ZC3H12B: variants seen among roughly 807,000 people sequenced by gnomAD.
ZC3H12B encodes zinc finger CCCH-type containing 12B, also known as probable ribonuclease ZC3H12B.
A neutral mutation model predicts 43.9 loss-of-function variants in ZC3H12B; 7 were observed. The observed-to-expected ratio is 0.16, with a 90% CI of 0.09 to 0.30. ZC3H12B has a LOEUF of 0.30. ZC3H12B is among the 10% of genes least tolerant of loss of function. ZC3H12B has a pLI of 1.00. For synonymous variants in ZC3H12B, 222 were observed against 241.7 expected (o/e 0.92, Z 0.76); for missense variants, 475 against 670.2 (o/e 0.71, Z 3.22).
At chrX:65,266,126 GTGTT>G in the ZC3H12B span, among the ~76,000 whole-genome samples, 1 of 111,851 alleles carries the variant, frequency 8.9e-6, no homozygotes, top group Non-Finnish European at 1.9e-5. Flanking sequence ...ATTCTCTTGA[GTGTT>G]TGGTCAAATA....
chrX:65,447,428 A>G (rs1170122394), intron 3 of ZC3H12B, among the ~76,000 whole-genome samples: 1 of 111,840 alleles, frequency 8.9e-6, no homozygotes, highest in African/African-American at 3.2e-5. Context: ...GAACATCTAC[A>G]AAAATCAACT....
the ZC3H12B span, among the ~76,000 whole-genome samples, chrX:65,190,854 A>G: frequency 9.4e-6 from 1 of 105,991 alleles, no homozygotes; most frequent in Non-Finnish European, 1.9e-5. Flanking sequence ...GAGTGGTGAG[A>G]GAGGGCACCC....
the ZC3H12B span, among the ~76,000 whole-genome samples, chrX:65,239,539 C>T: frequency 9.0e-6 from 1 of 110,736 alleles, no homozygotes; most frequent in African/African-American, 3.3e-5. Context: ...TCCAGCTTGC[C>T]ATTCTATGTT....
chrX:65,428,947 T>C (rs2067116701), intron 3 of ZC3H12B, among the ~76,000 whole-genome samples: 1 of 112,643 alleles, frequency 8.9e-6, no homozygotes, highest in African/African-American at 3.2e-5. Context: ...TTTTTGTTAA[T>C]GCTGTTGTTG....
chrX:65,269,442 G>A, the ZC3H12B span, among the ~76,000 whole-genome samples: 68 of 109,631 alleles, frequency 6.2e-4, no homozygotes, highest in African/African-American at 2.2e-3. Flanking sequence ...AATAAATCAA[G>A]AGTGCAATCC....
chrX:65,105,124 A>C, the ZC3H12B span, among the ~76,000 whole-genome samples: 1 of 111,098 alleles, frequency 9.0e-6, no homozygotes, highest in South Asian at 3.8e-4. Flanking sequence ...GAAGCTGGAA[A>C]CCATCATCCT....
the ZC3H12B span, among the ~76,000 whole-genome samples, chrX:65,115,848 G>A: frequency 7.4e-4 from 83 of 111,619 alleles, no homozygotes; most frequent in African/African-American, 2.4e-3. Context: ...CCATTTGTAT[G>A]TCTTCTTTTG....
the ZC3H12B span, among the ~76,000 whole-genome samples, chrX:65,075,548 G>T: frequency 2.7e-5 from 3 of 111,888 alleles, no homozygotes; most frequent in African/African-American, 9.8e-5. Flanking sequence ...CATTTCTCAA[G>T]CAGTCCCCCC....
In ZC3H12B at chrX:65,465,292, A is replaced by G. The variant is rs1026831835; in HGVS notation, n.408-23354A>G. On this transcript the variant is annotated intron_variant and non_coding_transcript_variant, in intron 3 of 5. Coordinates refer to the ZC3H12B transcript ENST00000617377. Reference sequence around the variant, plus strand: ...GTATTTTGGGGCTGTGTTACTAGGTACATATATATTTATAATTTCATTGTC... The same window carrying G: ...GTATTTTGGGGCTGTGTTACTAGGTGCATATATATTTATAATTTCATTGTC... Among the ~76,000 whole-genome samples the G allele has an allele frequency of 4.5e-5, 5 of 111,560 alleles. No individual in the cohort carries two copies. In the Admixed American group the frequency reaches 4.8e-4, roughly 11 times the overall value.
At chrX:65,316,725 G>A in the ZC3H12B span, among the ~76,000 whole-genome samples, 1 of 111,709 alleles carries the variant, frequency 9.0e-6, no homozygotes, top group African/African-American at 3.3e-5. Context: ...ATGCTATAAA[G>A]CAAGTACACA....
At chrX:65,347,327 T>C in the ZC3H12B span, among the ~76,000 whole-genome samples, 2 of 110,773 alleles carry the variant, frequency 1.8e-5, no homozygotes, top group Non-Finnish European at 3.8e-5. Flanking sequence ...ACCACAAAGA[T>C]GGGGAGAAAC....
intron 3 of ZC3H12B, among the ~76,000 whole-genome samples, chrX:65,439,185 C>A (rs897698082): frequency 1.8e-5 from 2 of 112,156 alleles, no homozygotes; most frequent in Non-Finnish European, 3.8e-5. Context: ...GGTCAGTGTG[C>A]CTGGGATGCT....
At chrX:65,173,183 A>G in the ZC3H12B span, among the ~76,000 whole-genome samples, 186 of 111,469 alleles carry the variant, frequency 1.7e-3, no homozygotes, top group South Asian at 0.016. Flanking sequence ...TTTTGTAGCA[A>G]TTCTGAATGG....
the ZC3H12B span, among the ~76,000 whole-genome samples, chrX:65,358,970 G>T: frequency 9.0e-6 from 1 of 111,559 alleles, no homozygotes; most frequent in South Asian, 3.8e-4. Flanking sequence ...AATGCAGCTG[G>T]TGACTTTAAT....
the ZC3H12B span, among the ~76,000 whole-genome samples, chrX:65,292,640 A>T: frequency 2.9e-5 from 3 of 103,868 alleles, no homozygotes; most frequent in Admixed American, 9.9e-5. Context: ...TTTTTTTTTT[A>T]AAGCATACAA....
At chrX:65,226,846 T>C in the ZC3H12B span, among the ~76,000 whole-genome samples, 1 of 111,672 alleles carries the variant, frequency 9.0e-6, no homozygotes, top group Admixed American at 9.5e-5. Context: ...CCTAAATATA[T>C]ATGCACCCAA....
chrX:65,049,180 T>C, the ZC3H12B span, among the ~76,000 whole-genome samples: 1 of 111,393 alleles, frequency 9.0e-6, no homozygotes. Flanking sequence ...TTTGATTTGG[T>C]CTCACTTGTC....
At chrX:65,386,604 T>C (rs1164821129) in intron 2 of ZC3H12B, among the ~76,000 whole-genome samples, 1 of 111,099 alleles carries the variant, frequency 9.0e-6, no homozygotes, top group Non-Finnish European at 1.9e-5. Context: ...CAGCCCCTGG[T>C]TTCATTGATT....
chrX:65,400,452 C>G (rs1322171708), intron 3 of ZC3H12B, among the ~76,000 whole-genome samples: 1 of 111,840 alleles, frequency 8.9e-6, no homozygotes, highest in Non-Finnish European at 1.9e-5. Context: ...TATTGTCATT[C>G]TCTTCCCAAA....
Sources: allele counts gnomAD v4.1 joint callset (sites outside exome capture counted in the v4.1 genomes callset), GRCh38; gene constraint gnomAD v4.1.1; transcripts MANE v1.5; gene names NCBI Gene and HGNC (gene_info 2026-07-23, HGNC 2026-07-21).